The following CHCHD3 variants were observed in gnomAD, a reference collection of about 807,000 sequenced individuals.
The protein encoded by CHCHD3 is MICOS complex subunit MIC19.
Under a neutral mutation model 38.2 loss-of-function variants are expected in CHCHD3, and 20 were observed. The ratio of observed to expected loss-of-function variants is 0.52; its 90% confidence interval spans 0.37 to 0.76. The LOEUF (loss-of-function observed/expected upper bound fraction) is 0.76. Ranked by LOEUF, CHCHD3 falls within the 30% of genes least tolerant of loss-of-function variation. CHCHD3 has a pLI of 0.00. For missense variants in CHCHD3, 245 were observed against 279.2 expected (o/e 0.88, Z 0.87); for synonymous variants, 82 against 100.0 (o/e 0.82, Z 1.07).
chr7:132,969,631 A>G (rs1184174380), intron 4 of CHCHD3, among the ~76,000 whole-genome samples: 1 of 152,208 alleles, frequency 6.6e-6, no homozygotes, highest in Non-Finnish European at 1.5e-5. Flanking sequence ...CTAAAATCCT[A>G]GTAATACTAC....
chr7:132,882,351 G>C lies in CHCHD3; in HGVS notation c.453+3311C>G, dbSNP rs1809082485. Among the ~76,000 whole-genome samples the C allele has an allele frequency of 2.0e-5, 3 of 152,014 alleles. No homozygotes were observed. In the South Asian group the frequency reaches 6.2e-4, roughly 32 times the overall value. On this transcript the variant is annotated intron_variant, in intron 5 of 7. Transcript: ENST00000262570. Reference sequence around the variant, plus strand: ...TTATCGAGTATTAAGTAACAGCAGTGTATATATTCCACCTTAGCTTTCTAA... The same window carrying C: ...TTATCGAGTATTAAGTAACAGCAGTCTATATATTCCACCTTAGCTTTCTAA...
chr7:132,945,203 G>GA (rs1477131413), intron 4 of CHCHD3, among the ~76,000 whole-genome samples: 1 of 151,820 alleles, frequency 6.6e-6, no homozygotes, highest in African/African-American at 2.4e-5. Context: ...TAAAAATCAT[G>GA]AAGACTTCTT....
intron 2 of CHCHD3, among the ~76,000 whole-genome samples, chr7:133,052,519 C>T (rs1352733256): frequency 6.6e-6 from 1 of 152,192 alleles, no homozygotes; most frequent in Non-Finnish European, 1.5e-5. Context: ...GGCAAAACAG[C>T]AAGCAGGAGA....
At chr7:132,924,488 AC>A (rs1810330617) in intron 4 of CHCHD3, among the ~76,000 whole-genome samples, 1 of 152,188 alleles carries the variant, frequency 6.6e-6, no homozygotes, top group Non-Finnish European at 1.5e-5. Context: ...TTGCCCTACC[AC>A]GACTTGAAAT....
chr7:133,010,639 C>T (rs532525383), intron 3 of CHCHD3, among the ~76,000 whole-genome samples: 248 of 152,212 alleles, frequency 1.6e-3, no homozygotes, highest in African/African-American at 5.7e-3. Context: ...AGTGCAGTGG[C>T]GTGATCTCGG....
intron 1 of CHCHD3, 135 bp from the exon 2 acceptor site, chr7:133,070,364 CA>C (rs1317379211): frequency 3.1e-6 from 2 of 654,340 alleles, no homozygotes; most frequent in Non-Finnish European, 5.3e-6. Context: ...TTAAATCTAA[CA>C]GCCATAAAAC....
chr7:133,071,164 C>T (rs569006797), intron 1 of CHCHD3, among the ~76,000 whole-genome samples: 1 of 152,252 alleles, frequency 6.6e-6, no homozygotes, highest in East Asian at 1.9e-4. Flanking sequence ...TTCTTTACAG[C>T]ACTTAACCAC....
intron 6 of CHCHD3, among the ~76,000 whole-genome samples, chr7:132,830,340 A>AC (rs1298798434): frequency 2.0e-5 from 3 of 152,216 alleles, no homozygotes; most frequent in African/African-American, 7.2e-5. Flanking sequence ...GCACTACCTT[A>AC]CATATCCCCG....
chr7:132,944,715 A>G (rs1810855297), intron 4 of CHCHD3, among the ~76,000 whole-genome samples: 1 of 152,048 alleles, frequency 6.6e-6, no homozygotes, highest in East Asian at 1.9e-4. Flanking sequence ...TGGTAAAAAC[A>G]GGAATCAAAC....
At chr7:132,953,938 T>TA (rs539203213) in intron 4 of CHCHD3, among the ~76,000 whole-genome samples, 51 of 152,300 alleles carry the variant, frequency 3.3e-4, no homozygotes, top group African/African-American at 1.2e-3. Context: ...GCCCTAGCCA[T>TA]AAAAGAGTCA....
chr7:132,910,248 G>A (rs1038466365), intron 4 of CHCHD3, among the ~76,000 whole-genome samples: 4 of 152,132 alleles, frequency 2.6e-5, no homozygotes, highest in African/African-American at 9.7e-5. Context: ...GCCAAGGGCA[G>A]GGGGTATTTC....
chr7:132,937,939 G>T (rs1810671234), intron 4 of CHCHD3, among the ~76,000 whole-genome samples: 1 of 152,048 alleles, frequency 6.6e-6, no homozygotes, highest in South Asian at 2.1e-4. Context: ...CCTTATTACT[G>T]TAAGGTGTTT....
chr7:133,031,898 A>C (rs1813514545), intron 2 of CHCHD3, among the ~76,000 whole-genome samples: 1 of 152,212 alleles, frequency 6.6e-6, no homozygotes, highest in East Asian at 1.9e-4. Context: ...CAATAGAAAT[A>C]CTCATTAATC....
chr7:132,869,289 TC>T (rs1022210508), intron 5 of CHCHD3, among the ~76,000 whole-genome samples: 4 of 152,142 alleles, frequency 2.6e-5, no homozygotes, highest in African/African-American at 9.7e-5. Context: ...TGTACCTACT[TC>T]CTTGGTCTGG....
intron 4 of CHCHD3, among the ~76,000 whole-genome samples, chr7:132,925,924 T>C (rs1440842814): frequency 6.6e-6 from 1 of 152,216 alleles, no homozygotes; most frequent in African/African-American, 2.4e-5. Flanking sequence ...CCTGAAATAC[T>C]ATAGTAGGTT....
intron 6 of CHCHD3, among the ~76,000 whole-genome samples, chr7:132,804,663 A>G (rs1185837650): frequency 6.6e-6 from 1 of 152,244 alleles, no homozygotes; most frequent in Non-Finnish European, 1.5e-5. Flanking sequence ...GGTTAAGACC[A>G]AAATTTAAGT....
chr7:132,977,645 CA>C (rs1393010335), intron 3 of CHCHD3, among the ~76,000 whole-genome samples: 2 of 152,186 alleles, frequency 1.3e-5, no homozygotes, highest in Non-Finnish European at 2.9e-5. Flanking sequence ...AGGCACTTTA[CA>C]AACATATATA....
At chr7:132,823,250 C>T (rs990376881) in intron 6 of CHCHD3, among the ~76,000 whole-genome samples, 1 of 151,974 alleles carries the variant, frequency 6.6e-6, no homozygotes. Flanking sequence ...TACATTAGTT[C>T]CCCTTTATCC....
At chr7:133,019,708 G>C (rs1478975324) in intron 3 of CHCHD3, among the ~76,000 whole-genome samples, 1 of 151,644 alleles carries the variant, frequency 6.6e-6, no homozygotes, top group Non-Finnish European at 1.5e-5. Flanking sequence ...CTTTCTTCTT[G>C]GTTTCTTGAA....
Sources: allele counts gnomAD v4.1 joint callset (sites outside exome capture counted in the v4.1 genomes callset), GRCh38; gene constraint gnomAD v4.1.1; transcripts MANE v1.5; gene names NCBI Gene and HGNC (gene_info 2026-07-23, HGNC 2026-07-21).